WDR7: variants seen among roughly 807,000 people sequenced by gnomAD.
The protein encoded by WDR7 is WD repeat-containing protein 7.
A neutral mutation model predicts 169.4 loss-of-function variants in WDR7; 46 were observed. The observed-to-expected ratio is 0.27, with a 90% CI of 0.21 to 0.35. The LOEUF is 0.35. WDR7 is among the 10% of genes least tolerant of loss of function. The probability of loss-of-function intolerance (pLI) is 1.00; values close to 1 mark genes in which losing one functional copy is unlikely to be tolerated. For synonymous variants in WDR7, 612 were observed against 666.8 expected (o/e 0.92, Z 1.27); for missense variants, 1,534 against 1,859.3 (o/e 0.83, Z 3.22).
chr18:56,900,078 G>GTATA (rs770477916), intron 21 of WDR7, among the ~76,000 whole-genome samples: 25 of 125,036 alleles, frequency 2.0e-4, no homozygotes, highest in African/African-American at 9.0e-4. Context: ...GTGTGTGTGT[G>GTATA]TGTGTATATA....
chr18:56,941,602 A>T (rs2047036382), intron 25 of WDR7, among the ~76,000 whole-genome samples: 1 of 152,182 alleles, frequency 6.6e-6, no homozygotes, highest in African/African-American at 2.4e-5. Context: ...CCGAGTATAG[A>T]GGGCTTTGAA....
intron 26 of WDR7, among the ~76,000 whole-genome samples, chr18:56,995,779 A>G (rs1361561175): frequency 1.3e-5 from 2 of 152,134 alleles, no homozygotes; most frequent in Non-Finnish European, 2.9e-5. Flanking sequence ...TGTGTGTACT[A>G]CATCCCCAGA....
intron 20 of WDR7, among the ~76,000 whole-genome samples, chr18:56,823,389 T>C (rs72915283): frequency 0.15 from 23,374 of 152,040 alleles, 2,572 homozygotes; most frequent in African/African-American, 0.32. Flanking sequence ...ACCACCCTGG[T>C]CAACATATAG....
chr18:56,699,076 T>G (rs1156562653), intron 12 of WDR7, among the ~76,000 whole-genome samples: 1 of 152,084 alleles, frequency 6.6e-6, no homozygotes, highest in South Asian at 2.1e-4. Flanking sequence ...AAAAAAGAAA[T>G]TTTAAAATTC....
intron 26 of WDR7, among the ~76,000 whole-genome samples, chr18:56,982,480 G>A (rs1657415): frequency 0.62 from 94,346 of 151,972 alleles, 29,890 homozygotes; most frequent in Middle Eastern, 0.72. Flanking sequence ...GAAAATTTTC[G>A]TCAAGGAAAT....
At chr18:56,878,427 A>G (rs1195893630) in intron 20 of WDR7, among the ~76,000 whole-genome samples, 2 of 152,072 alleles carry the variant, frequency 1.3e-5, no homozygotes, top group Non-Finnish European at 2.9e-5. Flanking sequence ...TGCACTTGTG[A>G]GATTCTTAGA....
At chr18:56,809,631 T>C (rs1568207974) in intron 19 of WDR7, among the ~76,000 whole-genome samples, 1 of 152,060 alleles carries the variant, frequency 6.6e-6, no homozygotes, top group African/African-American at 2.4e-5. Flanking sequence ...TTTTCTTTGG[T>C]AGTGGATAGT....
intron 20 of WDR7, among the ~76,000 whole-genome samples, chr18:56,839,985 C>T (rs139196165): frequency 2.0e-5 from 3 of 152,102 alleles, no homozygotes; most frequent in African/African-American, 4.8e-5. Context: ...TCTCTTGTAC[C>T]CAGGAGGCGG....
intron 16 of WDR7, among the ~76,000 whole-genome samples, chr18:56,763,745 G>A (rs1216180599): frequency 6.6e-6 from 1 of 151,972 alleles, no homozygotes; most frequent in Non-Finnish European, 1.5e-5. Flanking sequence ...TTTTAACTAC[G>A]GATTTAAAAG....
chr18:56,830,291 A>C (rs2045285487), intron 20 of WDR7, among the ~76,000 whole-genome samples: 1 of 152,192 alleles, frequency 6.6e-6, no homozygotes, highest in Non-Finnish European at 1.5e-5. Flanking sequence ...TTCACCATAC[A>C]CGGCACACAA....
intron 2 of WDR7, 23 bp downstream of exon 2, chr18:56,672,697 A>T: frequency 6.4e-7 from 1 of 1,569,920 alleles, no homozygotes; most frequent in Non-Finnish European, 8.6e-7. Context: ...AATGCCTATT[A>T]TACATTTTAG....
chr18:56,672,873 T>C (rs1238983329), intron 2 of WDR7, among the ~76,000 whole-genome samples, 199 bp downstream of exon 2: 4 of 152,198 alleles, frequency 2.6e-5, no homozygotes, highest in Non-Finnish European at 5.9e-5. Flanking sequence ...CCATTTTCAA[T>C]TGTAATATCT....
At chr18:56,768,785 A>T (rs1568184060) in intron 16 of WDR7, among the ~76,000 whole-genome samples, 1 of 152,178 alleles carries the variant, frequency 6.6e-6, no homozygotes, top group South Asian at 2.1e-4. Flanking sequence ...AAACATGAAT[A>T]TGCGTCTTTT....
intron 20 of WDR7, among the ~76,000 whole-genome samples, chr18:56,828,396 G>A (rs1276976431): frequency 6.6e-6 from 1 of 152,174 alleles, no homozygotes; most frequent in South Asian, 2.1e-4. Context: ...GCATAGCTGA[G>A]TTCAGCCAAT....
At chr18:56,778,749 T>C (rs1315714260) in intron 17 of WDR7, among the ~76,000 whole-genome samples, 3 of 152,234 alleles carry the variant, frequency 2.0e-5, no homozygotes, top group Non-Finnish European at 2.9e-5. Flanking sequence ...AAAGTCACTT[T>C]TATTGTCATA....
intron 20 of WDR7, among the ~76,000 whole-genome samples, chr18:56,847,220 T>C (rs2045580735): frequency 6.6e-6 from 1 of 152,174 alleles, no homozygotes; most frequent in African/African-American, 2.4e-5. Flanking sequence ...GCAAAGAACT[T>C]GGTTACATTG....
chr18:56,652,957 C>T lies in WDR7; in HGVS notation c.-20+1381C>T, dbSNP rs141616330. On this transcript the variant is annotated intron_variant, in intron 1 of 27. Transcript: ENST00000254442. ...TTCCTTTTATCTTTGATATATGTTC[C>T]GTTTTGAAGTTAAAGGAAGTTGGGT... Among the ~76,000 whole-genome samples the T allele has an allele frequency of 1.6e-3, 245 of 152,080 alleles. 1 individual carries two copies. The highest frequency in any genetic ancestry group is 5.2e-3 in the Admixed American group (80 of 15,270).
At chr18:56,685,624 T>C (rs927211464) in intron 5 of WDR7, among the ~76,000 whole-genome samples, 21 of 152,204 alleles carry the variant, frequency 1.4e-4, no homozygotes, top group African/African-American at 4.8e-4. Context: ...AGCTCATCCA[T>C]GATAAAGAAT....
In WDR7 at chr18:56,695,051, A is replaced by G; in HGVS notation, c.1210A>G (p.Asn404Asp). ...TCAGCTGAGTGTGATTCCCAATAGT[A>G]ATGAACCTCTTAAAGTAACTGCAAG... ...IDQLSVIPNS[N>D]EPLKVTASVY... Residue 404 changes from asparagine to aspartate, a missense_variant, in exon 11 of 28, where the codon AAT becomes GAT. Transcript: ENST00000254442. 6.2e-7 allele frequency: 1 copy of G among 1,614,210 alleles called. No individual in the cohort carries two copies. The highest frequency in any genetic ancestry group is 8.5e-7 in the Non-Finnish European group (1 of 1,180,024).
Sources: gnomAD v4.1 joint callset for allele counts (sites outside exome capture counted in the v4.1 genomes callset) on GRCh38, gnomAD v4.1.1 for gene constraint, MANE v1.5 for transcripts, NCBI Gene and HGNC (gene_info 2026-07-23, HGNC 2026-07-21) for gene names.